CAMK2D: variants seen among roughly 807,000 people sequenced by gnomAD.
The protein encoded by CAMK2D is calcium/calmodulin dependent protein kinase II delta.
A neutral mutation model predicts 84.0 loss-of-function variants in CAMK2D; 37 were observed. The observed-to-expected ratio is 0.44, with a 90% CI of 0.34 to 0.58. The LOEUF (loss-of-function observed/expected upper bound fraction) is 0.58, where lower values mean the gene tolerates loss of function less well. Among genes scored for constraint, CAMK2D ranks in the 20% least tolerant of loss-of-function variants. The pLI, the probability that CAMK2D is intolerant of heterozygous loss-of-function variation, is 0.02. For missense variants in CAMK2D, 448 were observed against 652.5 expected, an observed-to-expected ratio of 0.69 and a Z score of 3.41; for synonymous variants, 202 against 212.5, an observed-to-expected ratio of 0.95 and a Z score of 0.43.
intron 2 of CAMK2D, among the ~76,000 whole-genome samples, chr4:113,714,819 T>C (rs971551026): frequency 1.3e-5 from 2 of 152,198 alleles, no homozygotes; most frequent in African/African-American, 4.8e-5. Flanking sequence ...AAAATGTGTA[T>C]GTTTTTCTCC....
chr4:113,713,100 T>C (rs1429836769), intron 2 of CAMK2D, among the ~76,000 whole-genome samples: 1 of 152,036 alleles, frequency 6.6e-6, no homozygotes, highest in African/African-American at 2.4e-5. Flanking sequence ...AATAACTGTA[T>C]ATCACAGTTT....
chr4:113,463,699 A>G (rs1460415637), intron 17 of CAMK2D, among the ~76,000 whole-genome samples: 1 of 152,162 alleles, frequency 6.6e-6, no homozygotes, highest in Non-Finnish European at 1.5e-5. Flanking sequence ...TTACTTTTTT[A>G]GTTGTAATAA....
intron 2 of CAMK2D, among the ~76,000 whole-genome samples, chr4:113,694,648 A>G (rs543011275): frequency 1.3e-5 from 2 of 152,264 alleles, no homozygotes; most frequent in African/African-American, 2.4e-5. Flanking sequence ...TGTGCACTCT[A>G]TCTTACTCTG....
chr4:113,538,661 C>T lies in CAMK2D; in HGVS notation c.415-1218G>A, dbSNP rs137858629. On this transcript the variant is annotated intron_variant, in intron 6 of 20. Coordinates refer to ENST00000511664, the MANE Select transcript of CAMK2D (RefSeq NM_001321571.2). ...AAAATCAAATTGGCTAAATTTTTCCCACTGAATTTGTCAATTCTGTTGGTA... is the reference window on the plus strand; with the variant it reads ...AAAATCAAATTGGCTAAATTTTTCCTACTGAATTTGTCAATTCTGTTGGTA... 4.9e-3 allele frequency among the ~76,000 whole-genome samples: 741 copies of T among 152,236 alleles called. 8 individuals carry two copies. The highest frequency in any genetic ancestry group is 0.017 in the African/African-American group (714 of 41,556).
rs571724796 is a variant in CAMK2D, at chr4:113,617,715, G to T, written c.221-8509C>A. Among the ~76,000 whole-genome samples, 10 of 150,732 alleles carry T rather than the reference G, an allele frequency of 6.6e-5. No homozygotes were observed. The East Asian group carries it at 1.9e-3, about 29-fold the overall frequency. ...GGGTCTTGCTATGTTGCTGAGGCTG[G>T]CCTCTTGAATGCCTGGTTCAAGCAA... On this transcript the variant is annotated intron_variant, in intron 3 of 20. Transcript: ENST00000511664.
rs117699607 is a variant in CAMK2D at position 113,695,940 on chromosome 4, C to G, written c.161-34168G>C. Among the ~76,000 whole-genome samples the G allele has an allele frequency of 1.9e-4, 29 of 152,130 alleles. No homozygotes were observed. In the East Asian group the frequency reaches 5.2e-3, roughly 27 times the overall value. On this transcript the variant is annotated intron_variant, in intron 2 of 20. Transcript: ENST00000511664. ...CTGCCCCTTACCTTATCTTCTATTA[C>G]TCTCCTCTGACTCACTGCTCCAAAC...
intron 14 of CAMK2D, 111 bp downstream of exon 14, chr4:113,504,865 G>C: frequency 1.7e-5 from 6 of 344,958 alleles, no homozygotes; most frequent in Non-Finnish European, 2.5e-5. Context: ...AACACCCAAC[G>C]AAATAAAATA....
chr4:113,637,801 C>A (rs1272937099), intron 3 of CAMK2D, among the ~76,000 whole-genome samples: 1 of 151,978 alleles, frequency 6.6e-6, no homozygotes, highest in African/African-American at 2.4e-5. Flanking sequence ...GGTTCCCAGG[C>A]CTCTACCATG....
intron 2 of CAMK2D, chr4:113,754,656 A>G: frequency 8.2e-6 from 8 of 974,780 alleles, no homozygotes; most frequent in Non-Finnish European, 9.7e-6. Context: ...AAAGAATTCT[A>G]TTATTTCCTG....
intron 2 of CAMK2D, among the ~76,000 whole-genome samples, chr4:113,746,869 A>T (rs11098203): frequency 0.67 from 100,387 of 150,550 alleles, 34,533 homozygotes; most frequent in African/African-American, 0.82. Flanking sequence ...CAACCTGCTT[A>T]CTAATGATTA....
intron 4 of CAMK2D, among the ~76,000 whole-genome samples, chr4:113,591,598 A>T (rs981618158): frequency 1.3e-5 from 2 of 152,174 alleles, no homozygotes; most frequent in Non-Finnish European, 1.5e-5. Flanking sequence ...AAAAATCAGG[A>T]TCACATTTTA....
chr4:113,608,360 A>G (rs539005339), intron 4 of CAMK2D, among the ~76,000 whole-genome samples: 1 of 152,364 alleles, frequency 6.6e-6, no homozygotes, highest in South Asian at 2.1e-4. Context: ...GCAGTAGTCC[A>G]TTATATGAAT....
At chr4:113,623,257 T>G (rs2099053869) in intron 3 of CAMK2D, among the ~76,000 whole-genome samples, 1 of 152,178 alleles carries the variant, frequency 6.6e-6, no homozygotes, top group South Asian at 2.1e-4. Context: ...GGCATCTTGC[T>G]AGTTCTCTCA....
At chr4:113,521,048 A>ACTC (rs1346717616) in intron 8 of CAMK2D, among the ~76,000 whole-genome samples, 18 of 151,920 alleles carry the variant, frequency 1.2e-4, no homozygotes, top group Non-Finnish European at 2.2e-4. Context: ...AAATGATGAT[A>ACTC]CTCTAATTAT....
intron 6 of CAMK2D, among the ~76,000 whole-genome samples, chr4:113,545,270 G>A (rs2098557593): frequency 6.6e-6 from 1 of 152,052 alleles, no homozygotes; most frequent in African/African-American, 2.4e-5. Context: ...TATACAAATT[G>A]TACAGCACTT....
intron 4 of CAMK2D, among the ~76,000 whole-genome samples, chr4:113,591,783 GTTC>G (rs972244780): frequency 3.9e-5 from 6 of 152,066 alleles, no homozygotes; most frequent in Non-Finnish European, 5.9e-5. Context: ...TGCACATGTT[GTTC>G]TTCTTGGCAT....
At chr4:113,604,969 A>G (rs2098971050) in intron 4 of CAMK2D, among the ~76,000 whole-genome samples, 1 of 152,246 alleles carries the variant, frequency 6.6e-6, no homozygotes, top group South Asian at 2.1e-4. Flanking sequence ...ATCAAAATAT[A>G]TCACGCCCAA....
intron 4 of CAMK2D, among the ~76,000 whole-genome samples, chr4:113,578,610 C>G (rs966184795): frequency 6.6e-6 from 1 of 152,118 alleles, no homozygotes; most frequent in South Asian, 2.1e-4. Flanking sequence ...TTTTATGTTA[C>G]AGTTTAAATA....
At chr4:113,479,192 T>A (rs76071863) in intron 16 of CAMK2D, among the ~76,000 whole-genome samples, 7 of 152,366 alleles carry the variant, frequency 4.6e-5, no homozygotes, top group African/African-American at 1.7e-4. Flanking sequence ...GTTATCGTTC[T>A]TGAGATATTT....
Sources: gnomAD v4.1 joint callset for allele counts (sites outside exome capture counted in the v4.1 genomes callset) on GRCh38, gnomAD v4.1.1 for gene constraint, MANE v1.5 for transcripts, NCBI Gene and HGNC (gene_info 2026-07-23, HGNC 2026-07-21) for gene names.